Variants in AP4E1 observed in about 807,000 individuals in gnomAD.
AP4E1 encodes AP-4 complex subunit epsilon-1.
A neutral mutation model predicts 128.2 loss-of-function variants in AP4E1; 56 were observed. That is an observed-to-expected ratio of 0.44 (90% CI 0.35 to 0.55). The LOEUF (loss-of-function observed/expected upper bound fraction) is 0.55, where lower values mean the gene tolerates loss of function less well. AP4E1 is among the 20% of genes least tolerant of loss of function. AP4E1 has a pLI of 0.00. For missense variants in AP4E1, 1,324 were observed against 1,307.7 expected (o/e 1.01, Z -0.19); for synonymous variants, 484 against 473.1 (o/e 1.02, Z -0.30).
chr15:50,930,903 T>G lies in AP4E1; in HGVS notation c.801T>G (p.Ser267Arg). 1 of 1,614,146 alleles carries G rather than the reference T, an allele frequency of 6.2e-7. No homozygotes were observed. Among genetic ancestry groups the G allele is most frequent in the East Asian group, 2.2e-5 (1 of 44,866 alleles). ...GKLPVEFNYH[S>R]VPAPWLQIQL... ...TCCCAGTAGAATTCAATTACCACAG[T>G]GTGCCAGCACCATGGTTACAAATTC... The change falls in exon 7 of 21, where the codon AGT (serine) becomes AGG (arginine). Residue 267 changes from serine (S) to arginine (R), a missense_variant. Physicochemically the swap from Ser to Arg is moderately radical, Grantham distance 110 (BLOSUM62 -1). Coordinates refer to ENST00000261842, the MANE Select transcript of AP4E1 (RefSeq NM_007347.5).
intron 16 of AP4E1, among the ~76,000 whole-genome samples, chr15:50,990,213 C>T (rs371872275): frequency 1.3e-5 from 2 of 151,742 alleles, no homozygotes; most frequent in African/African-American, 2.4e-5. Flanking sequence ...TGTCAAAATC[C>T]GGGCAAAGAT....
In AP4E1 at chr15:50,934,624, G is replaced by A; in HGVS notation, c.870G>A (p.Arg290=). 6.2e-7 allele frequency: 1 copy of A among 1,601,698 alleles called. No homozygotes were observed. The highest frequency in any genetic ancestry group is 2.2e-5 in the East Asian group (1 of 44,568). ...TGCAAATAAAATATCTTTTAAACAG[G>A]ACAAGTGAATTAATGTATGATGTTC... ...ILGLLGKDDQ[R]TSELMYDVLD... is the part of the protein sequence containing the mutation. The change falls in exon 8 of 21, where the codon AGG becomes AGA. Residue 290 remains arginine, a splice_region_variant and synonymous_variant. Coordinates refer to ENST00000261842, the MANE Select transcript of AP4E1 (RefSeq NM_007347.5).
At chr15:50,998,417 G>A (rs1402587882) in intron 18 of AP4E1, among the ~76,000 whole-genome samples, 2 of 151,862 alleles carry the variant, frequency 1.3e-5, no homozygotes, top group East Asian at 3.9e-4. Flanking sequence ...GGATCACGAG[G>A]TCAGGAGTTT....
At chr15:50,937,293 A>G (rs1299521593) in intron 8 of AP4E1, among the ~76,000 whole-genome samples, 1 of 152,204 alleles carries the variant, frequency 6.6e-6, no homozygotes, top group African/African-American at 2.4e-5. Context: ...ATTGAATTAA[A>G]GGAAGAAGAA....
chr15:50,977,221 C>G (rs1297904637), intron 15 of AP4E1, among the ~76,000 whole-genome samples: 2 of 152,086 alleles, frequency 1.3e-5, no homozygotes, highest in South Asian at 4.1e-4. Flanking sequence ...TTTCAGGTAT[C>G]TGGGGGCCAC....
chr15:50,937,659 G>T (rs1024256272), intron 8 of AP4E1, among the ~76,000 whole-genome samples: 5 of 152,194 alleles, frequency 3.3e-5, no homozygotes, highest in Non-Finnish European at 7.4e-5. Flanking sequence ...CACAGATAGG[G>T]ATTTACTGAT....
At chr15:50,949,740 G>A (rs1002734325) in intron 11 of AP4E1, 86 bp from the exon 12 acceptor site, 106 of 1,023,412 alleles carry the variant, frequency 1.0e-4, no homozygotes, top group African/African-American at 1.6e-5. Flanking sequence ...AGGATGAATT[G>A]GGGTTATTTT....
chr15:50,935,493 G>A (rs1022858370), intron 8 of AP4E1, among the ~76,000 whole-genome samples: 10 of 152,106 alleles, frequency 6.6e-5, no homozygotes, highest in Admixed American at 6.6e-4. Flanking sequence ...GGGAGGAGCT[G>A]TTCTTTTTGA....
At chr15:50,959,440 C>A (rs557331159) in intron 14 of AP4E1, among the ~76,000 whole-genome samples, 104 of 151,770 alleles carry the variant, frequency 6.9e-4, no homozygotes, top group Middle Eastern at 3.4e-3. Flanking sequence ...GGAAAAAAAA[C>A]CCCCAAAACT....
At chr15:50,995,816 C>T (rs1463756526) in intron 17 of AP4E1, among the ~76,000 whole-genome samples, 2 of 147,326 alleles carry the variant, frequency 1.4e-5, no homozygotes, top group Non-Finnish European at 3.0e-5. Flanking sequence ...AACAGATTGA[C>T]AATGCAGAAG....
At chr15:50,922,999 G>T (rs910903595) in intron 3 of AP4E1, among the ~76,000 whole-genome samples, 4 of 152,002 alleles carry the variant, frequency 2.6e-5, no homozygotes, top group Non-Finnish European at 4.4e-5. Flanking sequence ...GGATGGTCTC[G>T]ATCTCCTAAC....
chr15:50,983,637 G>A (rs987762879), intron 15 of AP4E1, among the ~76,000 whole-genome samples: 1 of 152,172 alleles, frequency 6.6e-6, no homozygotes, highest in East Asian at 1.9e-4. Flanking sequence ...GTACCCAGGA[G>A]CAGTTTGTTC....
At chr15:50,978,903 A>G (rs939716508) in intron 15 of AP4E1, among the ~76,000 whole-genome samples, 3 of 152,168 alleles carry the variant, frequency 2.0e-5, no homozygotes, top group Non-Finnish European at 4.4e-5. Context: ...AGTGAAAATA[A>G]TGTGGTTTGA....
rs2064899959 is a variant in AP4E1 at position 50,997,801 on chromosome 15, T to C, written c.2822T>C (p.Leu941Ser). The C allele has an allele frequency of 1.2e-6, 2 of 1,609,252 alleles. No homozygotes were observed. Among genetic ancestry groups the C allele is most frequent in the Non-Finnish European group, 1.7e-6 (2 of 1,177,122 alleles). The change falls in exon 18 of 21, where the codon TTG (leucine) becomes TCG (serine). Residue 941 changes from leucine (L) to serine (S), a missense_variant. Physicochemically the swap from Leu to Ser is moderately radical, Grantham distance 145. Coordinates refer to ENST00000261842, the MANE Select transcript of AP4E1 (RefSeq NM_007347.5). The part of the protein sequence containing the change: ...SYKIWKDDCL[L>S]MVWSVTNKSG... Reference sequence around the variant, plus strand: ...AAAATTTGGAAAGATGATTGTTTATTGATGGTCTGGTCAGTCACTAATAAG... The same window carrying C: ...AAAATTTGGAAAGATGATTGTTTATCGATGGTCTGGTCAGTCACTAATAAG...
rs541849628 is a variant in AP4E1 at position 50,934,390 on chromosome 15, G to A, written c.870-234G>A. ...ATAAACTAGGCACAGTGAGGAAAGA[G>A]TTGATTGACATATATATCTCATTGG... is the stretch of plus-strand genomic sequence containing the variant. On this transcript the variant is annotated intron_variant, in intron 7 of 20. Coordinates refer to ENST00000261842, the MANE Select transcript of AP4E1 (RefSeq NM_007347.5). The A allele has an allele frequency of 2.3e-4, 86 of 375,266 alleles. No individual in the cohort carries two copies. The East Asian group carries it at 3.9e-3, about 17-fold the overall frequency. The allele number at this position is 375,266 out of a possible 1,614,324, so 23.2% of individuals were successfully genotyped here. A position where few individuals can be genotyped will look rare whatever the true frequency, so the allele number is the denominator to read the frequency against.
intron 2 of AP4E1, among the ~76,000 whole-genome samples, chr15:50,913,440 A>G (rs1366457739): frequency 2.6e-5 from 4 of 152,252 alleles, no homozygotes; most frequent in African/African-American, 7.2e-5. Context: ...ATAAATAGGT[A>G]GAAATTAGGA....
chr15:50,985,162 T>G (rs1216225464), intron 16 of AP4E1, among the ~76,000 whole-genome samples: 1 of 152,218 alleles, frequency 6.6e-6, no homozygotes, highest in Non-Finnish European at 1.5e-5. Flanking sequence ...GTTGTTTGTT[T>G]TTTTTCTTGT....
At chr15:50,925,051 G>A (rs375180311) in intron 4 of AP4E1, 47 bp from the exon 5 acceptor site, 1 of 1,611,178 alleles carries the variant, frequency 6.2e-7, no homozygotes, top group Non-Finnish European at 8.5e-7. Flanking sequence ...GCCATTCCTA[G>A]TTTCAGTATT....
intron 10 of AP4E1, among the ~76,000 whole-genome samples, chr15:50,943,919 C>T (rs1341099651): frequency 6.6e-6 from 1 of 152,112 alleles, no homozygotes; most frequent in African/African-American, 2.4e-5. Flanking sequence ...TTATTGATTT[C>T]TGGAATTTTC....
Sources: allele counts gnomAD v4.1 joint callset (sites outside exome capture counted in the v4.1 genomes callset), GRCh38; gene constraint gnomAD v4.1.1; transcripts MANE v1.5; gene names NCBI Gene and HGNC (gene_info 2026-07-23, HGNC 2026-07-21).